MKRN1: variants seen among roughly 807,000 people sequenced by gnomAD.
MKRN1 encodes E3 ubiquitin-protein ligase makorin-1.
MKRN1 carries 9 observed loss-of-function variants against 55.5 expected under a neutral mutation model. The observed-to-expected ratio is 0.16, with a 90% CI of 0.10 to 0.28. The LOEUF (loss-of-function observed/expected upper bound fraction) is 0.28. MKRN1 is among the 10% of genes least tolerant of loss of function. The probability of loss-of-function intolerance (pLI) is 1.00; values close to 1 mark genes in which losing one functional copy is unlikely to be tolerated. For missense variants in MKRN1, 488 were observed against 626.7 expected, an observed-to-expected ratio of 0.78 and a Z score of 2.36; for synonymous variants, 253 against 235.9, an observed-to-expected ratio of 1.07 and a Z score of -0.66.
chr7:140,465,128 T>C (rs922114393), intron 2 of MKRN1, among the ~76,000 whole-genome samples: 5 of 152,186 alleles, frequency 3.3e-5, no homozygotes, highest in African/African-American at 1.2e-4. Context: ...TCCCACCCCA[T>C]TGCTTCTGTG....
intron 2 of MKRN1, among the ~76,000 whole-genome samples, chr7:140,467,524 C>G (rs1794808451): frequency 6.6e-6 from 1 of 151,986 alleles, no homozygotes; most frequent in African/African-American, 2.4e-5. Flanking sequence ...GTGATCCGCC[C>G]ACCTCAGCCT....
chr7:140,461,126 T>A (rs6966056), intron 2 of MKRN1, among the ~76,000 whole-genome samples: 41,269 of 152,188 alleles, frequency 0.27, 9,545 homozygotes, highest in African/African-American at 0.64. Context: ...AGCAGACATG[T>A]GGAACATTTT....
chr7:140,455,071 C>T (rs372013752), intron 7 of MKRN1, 24 bp downstream of exon 7: 10 of 1,611,876 alleles, frequency 6.2e-6, no homozygotes, highest in African/African-American at 4.0e-5. Flanking sequence ...ATTTCCCCTC[C>T]TTTAAAAAAA....
chr7:140,459,274 A>G, intron 3 of MKRN1, 41 bp from the exon 4 acceptor site: 4 of 1,588,884 alleles, frequency 2.5e-6, no homozygotes, highest in Admixed American at 1.7e-5. Flanking sequence ...CAAATAGATA[A>G]GGCATGAACT....
chr7:140,456,674 G>C lies in MKRN1; in HGVS notation c.964C>G (p.Gln322Glu), dbSNP rs1062770. 1.9e-6 allele frequency: 3 copies of C among 1,614,140 alleles called. No homozygotes were observed. Among genetic ancestry groups the C allele is most frequent in the Non-Finnish European group, 1.7e-6 (2 of 1,180,020 alleles). The stretch of plus-strand genomic sequence containing the variant: ...CACTTTATGATCTTGCTCTCAAATT[G>C]CTTAGCACTCCTCCACTTGCGAATG... Reference protein sequence around the residue: ...KCIRKWRSAKQFESKIIKSCP... With the variant: ...KCIRKWRSAKEFESKIIKSCP... Residue 322 changes from glutamine to glutamate, a missense_variant, in exon 5 of 8, where the codon CAA becomes GAA. Transcript: ENST00000255977.
intron 7 of MKRN1, 94 bp downstream of exon 7, chr7:140,455,001 G>A (rs574856214): frequency 1.6e-5 from 24 of 1,515,808 alleles, no homozygotes; most frequent in Non-Finnish European, 2.1e-5. Context: ...TCCCAGACCT[G>A]AGCGTTAACC....
intron 2 of MKRN1, among the ~76,000 whole-genome samples, chr7:140,467,479 T>A (rs10273061): frequency 0.27 from 40,753 of 151,656 alleles, 9,317 homozygotes; most frequent in African/African-American, 0.63. Flanking sequence ...GGTTTAACCA[T>A]GTTGGCCAGG....
At chr7:140,465,803 C>T (rs1035981156) in intron 2 of MKRN1, among the ~76,000 whole-genome samples, 1 of 152,046 alleles carries the variant, frequency 6.6e-6, no homozygotes, top group African/African-American at 2.4e-5. Flanking sequence ...GGTAGGTGGC[C>T]GGGTGTGGTG....
chr7:140,470,646 T>C (rs1016909004), intron 2 of MKRN1, among the ~76,000 whole-genome samples: 1 of 151,616 alleles, frequency 6.6e-6, no homozygotes, highest in African/African-American at 2.4e-5. Context: ...CTGGGCACTG[T>C]GTCTCACACC....
chr7:140,468,701 CAAA>C (rs528725182), intron 2 of MKRN1, among the ~76,000 whole-genome samples: 2 of 32,126 alleles, frequency 6.2e-5, no homozygotes, highest in Non-Finnish European at 1.3e-4. Context: ...CTCTGTCTCA[CAAA>C]AAAAAAAAAA....
chr7:140,467,285 C>G (rs1794801304), intron 2 of MKRN1, among the ~76,000 whole-genome samples: 2 of 151,630 alleles, frequency 1.3e-5, no homozygotes, highest in Non-Finnish European at 2.9e-5. Context: ...CCCCCTCCCC[C>G]ACTTTCTTTT....
intron 1 of MKRN1, among the ~76,000 whole-genome samples, chr7:140,475,996 C>G (rs1447101818): frequency 6.6e-6 from 1 of 151,970 alleles, no homozygotes; most frequent in Non-Finnish European, 1.5e-5. Flanking sequence ...ATGAAAACCC[C>G]AGGAGAAACA....
At chr7:140,455,671 C>A in intron 6 of MKRN1, 119 bp downstream of exon 6, 1 of 763,954 alleles carries the variant, frequency 1.3e-6, no homozygotes, top group South Asian at 1.7e-5. Flanking sequence ...ATAAACTGTC[C>A]TGGGAAGTCA....
At position 140,468,814 on chromosome 7, in the gene MKRN1, C is replaced by T. The variant is rs552462509; in HGVS notation, c.314+3069G>A. 2.7e-5 allele frequency among the ~76,000 whole-genome samples: 4 copies of T among 150,848 alleles called. No individual in the cohort carries two copies. In the East Asian group the frequency reaches 7.8e-4, roughly 29 times the overall value. The stretch of plus-strand genomic sequence containing the variant: ...AATGCAATGACAAATTAGCAAAGGG[C>T]AAAATGAGTAGCAACTAAACAAAGT... On this transcript the variant is annotated intron_variant, in intron 2 of 7. Coordinates refer to ENST00000255977, the MANE Select transcript of MKRN1 (RefSeq NM_013446.4).
At chr7:140,455,465 T>C (rs762622240) in intron 6 of MKRN1, 10 of 576,476 alleles carry the variant, frequency 1.7e-5, no homozygotes, top group Non-Finnish European at 2.7e-5. Flanking sequence ...GCAGATGCCA[T>C]AGAGAGAAAA....
chr7:140,476,869 C>T (rs1357507053), intron 1 of MKRN1, among the ~76,000 whole-genome samples: 5 of 151,988 alleles, frequency 3.3e-5, no homozygotes, highest in South Asian at 2.1e-4. Flanking sequence ...CACCTGAGGT[C>T]GGGAGTTCAA....
chr7:140,462,834 T>C (rs1424457694), intron 2 of MKRN1, among the ~76,000 whole-genome samples: 1 of 151,888 alleles, frequency 6.6e-6, no homozygotes, highest in Non-Finnish European at 1.5e-5. Flanking sequence ...GGTGTGGTGG[T>C]GTGCGTCTGT....
At chr7:140,475,018 T>TA (rs1400194952) in intron 1 of MKRN1, among the ~76,000 whole-genome samples, 1 of 151,898 alleles carries the variant, frequency 6.6e-6, no homozygotes, top group Non-Finnish European at 1.5e-5. Context: ...CACGCCCAGC[T>TA]GATCTTTAAG....
chr7:140,456,488 T>C, intron 5 of MKRN1, 164 bp downstream of exon 5: 2 of 1,439,378 alleles, frequency 1.4e-6, no homozygotes, highest in African/African-American at 1.4e-5. Flanking sequence ...CCAACTAACC[T>C]AGAAGCTAGC....
Sources: allele counts gnomAD v4.1 joint callset (sites outside exome capture counted in the v4.1 genomes callset), GRCh38; gene constraint gnomAD v4.1.1; transcripts MANE v1.5; gene names NCBI Gene and HGNC (gene_info 2026-07-23, HGNC 2026-07-21).